Variants in ATP8B2 observed in about 807,000 individuals in gnomAD.
ATP8B2 encodes the protein phospholipid-transporting ATPase ID.
A neutral mutation model predicts 133.4 loss-of-function variants in ATP8B2; 70 were observed. The observed-to-expected ratio is 0.52, with a 90% CI of 0.43 to 0.64. The LOEUF is 0.64. Ranked by LOEUF, ATP8B2 falls within the 30% of genes least tolerant of loss-of-function variation. The pLI, the probability that ATP8B2 is intolerant of heterozygous loss-of-function variation, is 0.00. For synonymous variants in ATP8B2, 517 were observed against 589.5 expected (o/e 0.88, Z 1.78); for missense variants, 1,101 against 1,535.7 (o/e 0.72, Z 4.73).
Position 154,349,031 on chromosome 1 carries a change from C to T in ATP8B2, c.3486C>T (p.Ser1162=). 1 of 1,614,262 alleles carries T rather than the reference C, an allele frequency of 6.2e-7. No homozygotes were observed. Among genetic ancestry groups the T allele is most frequent in the Non-Finnish European group, 8.5e-7 (1 of 1,180,044 alleles). ...TCTCCAGCTTCACCACCCGCTCCAG[C>T]TCCAGCTGGATTGAGAGCCTGCGCA... ...LALSSFTTRS[S]SSWIESLRRK... The change falls in exon 28 of 28, where the codon AGC becomes AGT. Residue 1162 remains serine (S), a synonymous_variant. Transcript: ENST00000368489.
At position 154,345,751 on chromosome 1, in the gene ATP8B2, G is replaced by A. The variant is rs1256536799; in HGVS notation, c.2695-49G>A. 2.0e-6 allele frequency: 3 copies of A among 1,514,078 alleles called. No individual in the cohort carries two copies. Among genetic ancestry groups the A allele is most frequent in the Admixed American group, 1.7e-5 (1 of 59,818 alleles). 93.8% of individuals were successfully genotyped at this position (1,514,078 alleles called of 1,614,324 possible). On this transcript the variant is annotated intron_variant, in intron 23 of 27. Transcript: ENST00000368489. The surrounding 1 kb of genome is among the most constrained non-coding windows in gnomAD (Gnocchi z 5.6). ...CATCAGCTGTCTTCCTGTGCCTGAT[G>A]TGTAGCAAAGAAAGGTTGCATGCTC...
In ATP8B2 at chr1:154,332,010, A is replaced by G. The variant is rs749401028; in HGVS notation, c.495A>G (p.Thr165=). The G allele has an allele frequency of 1.2e-6, 2 of 1,614,008 alleles. No homozygotes were observed. The highest frequency in any genetic ancestry group is 4.5e-5 in the East Asian group (2 of 44,884). The change falls in exon 8 of 28, where the codon ACA becomes ACG. Residue 165 remains threonine, a synonymous_variant. Transcript: ENST00000368489. ...CCCATGGGCTGTGTTACATAGAGAC[A>G]GCAGAACTTGATGGGTAAGTGGCAT... ...SEPHGLCYIE[T]AELDGETNMK...
At position 154,349,156 on chromosome 1, in the gene ATP8B2, A is replaced by AC. The variant is rs777338289; in HGVS notation, c.*41dup. 3.6e-5 allele frequency: 58 copies of AC among 1,595,144 alleles called. 1 individual carries two copies. In the East Asian group the frequency reaches 1.3e-3, roughly 35 times the overall value. ...GATGCCCTGTGCCAGTGACCAGAGC[A>AC]CCCAGGGCTGGCCAGTCACTGAGGG... is the stretch of plus-strand genomic sequence containing the variant. On this transcript the variant is annotated 3_prime_UTR_variant, in exon 28 of 28. Transcript: ENST00000368489.
Position 154,344,902 on chromosome 1 carries a change from C to G in ATP8B2, c.2287-69C>G, listed in dbSNP as rs1686529038. On this transcript the variant is annotated intron_variant, in intron 21 of 27. Coordinates refer to ENST00000368489, the MANE Select transcript of ATP8B2 (RefSeq NM_001370597.1). The surrounding 1 kb of genome is among the most constrained non-coding windows in gnomAD (Gnocchi z 4.1). ...CAGAGAAGACTGGTCTCAAAGGGGA[C>G]TGGGAGGAGCTGAGACTCCCAGGTG... 2.6e-6 allele frequency: 4 copies of G among 1,557,226 alleles called. No homozygotes were observed. In the East Asian group the frequency reaches 9.0e-5, roughly 35 times the overall value.
chr1:154,348,664 TG>T, intron 27 of ATP8B2, 126 bp downstream of exon 27: 1 of 1,438,902 alleles, frequency 6.9e-7, no homozygotes, highest in South Asian at 1.3e-5. Context: ...CTGTTCTTCC[TG>T]GGGACAGACA....
chr1:154,345,497 C>T lies in ATP8B2; in HGVS notation c.2646C>T (p.Phe882=), dbSNP rs778484120. 10 of 1,614,200 alleles carry T rather than the reference C, an allele frequency of 6.2e-6. No homozygotes were observed. The highest frequency in any genetic ancestry group is 1.1e-5 in the South Asian group (1 of 91,088). The change falls in exon 23 of 28, where the codon TTC becomes TTT. Residue 882 remains phenylalanine (F), a synonymous_variant. Coordinates refer to ENST00000368489, the MANE Select transcript of ATP8B2 (RefSeq NM_001370597.1). The surrounding 1 kb of genome is among the most constrained non-coding windows in gnomAD (Gnocchi z 5.6). ...ATTTCTTCTACAAAAACTTTGCTTT[C>T]ACCATGGTCCACTTCTGGTTTGGCT... ...LCYFFYKNFA[F]TMVHFWFGFF...
chr1:154,342,706 T>A (rs1009732304), intron 14 of ATP8B2, 90 bp from the exon 15 acceptor site: 2 of 1,512,970 alleles, frequency 1.3e-6, no homozygotes, highest in African/African-American at 2.8e-5. Context: ...GACAGGAGCC[T>A]ACTGAGAGTT....
chr1:154,348,789 T>C, intron 27 of ATP8B2, 51 bp from the exon 28 acceptor site: 5 of 1,513,104 alleles, frequency 3.3e-6, no homozygotes, highest in Non-Finnish European at 4.5e-6. Flanking sequence ...TCCTTGGCGA[T>C]ATCTGACACC....
chr1:154,342,859 C>T lies in ATP8B2; in HGVS notation c.1351C>T (p.Pro451Ser), dbSNP rs1686433037. 1 of 1,614,164 alleles carries T rather than the reference C, an allele frequency of 6.2e-7. No homozygotes were observed. The highest frequency in any genetic ancestry group is 8.5e-7 in the Non-Finnish European group (1 of 1,180,018). Residue 451 changes from proline to serine, a missense_variant, in exon 15 of 28, where the codon CCC (proline) becomes TCC (serine). Transcript: ENST00000368489. ...TGACAAGAAGTTCTTATTTTGGGAC[C>T]CCAGCCTGCTGGAGGCTGTCAAGAT... ...LADKKFLFWD[P>S]SLLEAVKIGD...
At chr1:154,339,839 T>C (rs1333518893) in intron 12 of ATP8B2, among the ~76,000 whole-genome samples, 1 of 152,136 alleles carries the variant, frequency 6.6e-6, no homozygotes, top group Non-Finnish European at 1.5e-5. Context: ...ATGCTAACAG[T>C]GCATATGATT....
At position 154,331,442 on chromosome 1, in the gene ATP8B2, A is replaced by G; in HGVS notation, c.304-2A>G. ...CTTACCTTTCAGTTTTCTTCTTTTC[A>G]GTTCCGCCACAAGAGCGATAACCAG... On this transcript the variant is annotated splice_acceptor_variant, in intron 5 of 27. Transcript: ENST00000368489. LOFTEE classifies it high-confidence loss of function. This position sits in a 1 kb window ranked among gnomAD's most constrained non-coding sequence, Gnocchi z 4.8. 1.2e-6 allele frequency: 2 copies of G among 1,613,904 alleles called. No homozygotes were observed. The highest frequency in any genetic ancestry group is 1.7e-6 in the Non-Finnish European group (2 of 1,179,996).
intron 3 of ATP8B2, 87 bp from the exon 4 acceptor site, chr1:154,330,728 G>T: frequency 8.7e-7 from 1 of 1,154,292 alleles, no homozygotes. Flanking sequence ...AGAGGTCTGG[G>T]GAAGTATAAA....
At position 154,340,529 on chromosome 1, in the gene ATP8B2, A is replaced by C; in HGVS notation, c.1035-325A>C. ...TTGTTTTTCTCTGCATGGTTTCTGTATTATTAGTCCTGAGGTAAGAACTGG... is the reference window on the plus strand; with the variant it reads ...TTGTTTTTCTCTGCATGGTTTCTGTCTTATTAGTCCTGAGGTAAGAACTGG... On this transcript the variant is annotated intron_variant, in intron 12 of 27. Coordinates refer to ENST00000368489, the MANE Select transcript of ATP8B2 (RefSeq NM_001370597.1). The surrounding 1 kb of genome is among the most constrained non-coding windows in gnomAD (Gnocchi z 4.0). 1 of 300,172 alleles carries C rather than the reference A, an allele frequency of 3.3e-6. No homozygotes were observed. Among genetic ancestry groups the C allele is most frequent in the Non-Finnish European group, 6.6e-6 (1 of 150,514 alleles). The allele number at this position is 300,172 out of a possible 1,614,324, so 18.6% of individuals were successfully genotyped here.
Position 154,340,820 on chromosome 1 carries a change from C to T in ATP8B2, c.1035-34C>T. ...GTGGGTGGGGCACCTCCTCTTCTTC[C>T]CGACCCAAGCCTCACCTCTTGTCCC... is the stretch of plus-strand genomic sequence containing the variant. On this transcript the variant is annotated intron_variant, in intron 12 of 27. Coordinates refer to ENST00000368489, the MANE Select transcript of ATP8B2 (RefSeq NM_001370597.1). This position sits in a 1 kb window ranked among gnomAD's most constrained non-coding sequence, Gnocchi z 4.0. 6.2e-7 allele frequency: 1 copy of T among 1,607,494 alleles called. No individual in the cohort carries two copies. Among genetic ancestry groups the T allele is most frequent in the Non-Finnish European group, 8.5e-7 (1 of 1,174,754 alleles).
chr1:154,329,029 C>A (rs900617174), intron 2 of ATP8B2: 23 of 1,303,734 alleles, frequency 1.8e-5, no homozygotes, highest in Non-Finnish European at 2.3e-5. Context: ...GGGCCCGGGC[C>A]CAGGCGCCTC....
At chr1:154,327,991 C>T in intron 1 of ATP8B2, 114 bp from the exon 2 acceptor site, 1 of 1,505,716 alleles carries the variant, frequency 6.6e-7, no homozygotes, top group Non-Finnish European at 9.2e-7. Context: ...GAGAAGGAGG[C>T]TGGGGGAGGG....
chr1:154,342,540 C>G lies in ATP8B2; in HGVS notation c.1287+17C>G. 6.2e-7 allele frequency: 1 copy of G among 1,611,854 alleles called. No individual in the cohort carries two copies. Among genetic ancestry groups the G allele is most frequent in the Non-Finnish European group, 8.5e-7 (1 of 1,178,006 alleles). ...TTGGGAGAGGTAAGATTCAGTCTCC[C>G]TAATTCTATGTGCCAGTGAAACAGG... is the stretch of plus-strand genomic sequence containing the variant. On this transcript the variant is annotated intron_variant, in intron 14 of 27. Coordinates refer to ENST00000368489, the MANE Select transcript of ATP8B2 (RefSeq NM_001370597.1).
intron 9 of ATP8B2, among the ~76,000 whole-genome samples, chr1:154,333,545 C>T (rs985717567): frequency 6.6e-6 from 1 of 150,994 alleles, no homozygotes; most frequent in African/African-American, 2.4e-5. Context: ...CCTTCCTCTT[C>T]TACCCTGCTG....
rs540506232 is a variant in ATP8B2, at chr1:154,346,936, G to A, written c.3163+178G>A. On this transcript the variant is annotated intron_variant, in intron 26 of 27. Transcript: ENST00000368489. This position sits in a 1 kb window ranked among gnomAD's most constrained non-coding sequence, Gnocchi z 4.5. ...TGCCCAGGCTGGAGTGCAGTGGTGC[G>A]ATCTCGGCTCACTGCAGCCTTCGAC... Among the ~76,000 whole-genome samples the A allele has an allele frequency of 2.6e-5, 4 of 152,172 alleles. No homozygotes were observed. The highest frequency in any genetic ancestry group is 3.9e-4 in the East Asian group (2 of 5,182).
Sources: gnomAD v4.1 joint callset for allele counts (sites outside exome capture counted in the v4.1 genomes callset) on GRCh38, gnomAD v4.1.1 for gene constraint, Gnocchi (gnomAD v3.1) non-coding constraint, MANE v1.5 for transcripts, NCBI Gene and HGNC (gene_info 2026-07-23, HGNC 2026-07-21) for gene names.